WT1: variants seen among roughly 807,000 people sequenced by gnomAD.
WT1 encodes Wilms tumor protein.
WT1 carries 8 observed loss-of-function variants against 60.8 expected under a neutral mutation model. That is an observed-to-expected ratio of 0.13 (90% CI 0.08 to 0.24). The LOEUF (loss-of-function observed/expected upper bound fraction) is 0.24, where lower values mean the gene tolerates loss of function less well. WT1 is among the 10% of genes least tolerant of loss of function. WT1 has a pLI of 1.00. For synonymous variants in WT1, 312 were observed against 297.1 expected (o/e 1.05, Z -0.52); for missense variants, 568 against 711.8 (o/e 0.80, Z 2.30).
intron 3 of WT1, among the ~76,000 whole-genome samples, chr11:32,423,267 A>C (rs1852914093): frequency 6.6e-6 from 1 of 152,238 alleles, no homozygotes; most frequent in Admixed American, 6.5e-5. Context: ...GACAGGGAGA[A>C]AGGTCTCTGC....
intron 1 of WT1, chr11:32,430,808 G>A: frequency 2.3e-6 from 3 of 1,303,464 alleles, no homozygotes; most frequent in South Asian, 2.8e-5. Flanking sequence ...GGGCAGTGGT[G>A]AAAGCGCCTG....
chr11:32,432,744 AC>A (rs1298292919), intron 1 of WT1, among the ~76,000 whole-genome samples: 1 of 151,802 alleles, frequency 6.6e-6, no homozygotes, highest in Non-Finnish European at 1.5e-5. Flanking sequence ...CCACAGTCCC[AC>A]CCCCCACGAC....
intron 1 of WT1, among the ~76,000 whole-genome samples, chr11:32,431,515 C>A (rs1170515115): frequency 6.7e-6 from 1 of 150,318 alleles, no homozygotes; most frequent in East Asian, 2.0e-4. Context: ...CAGCTCACTT[C>A]AACCTCAGCC....
chr11:32,435,411 C>A lies in WT1; in HGVS notation c.-51G>T. ...CCGGGCGCCTGGGCTGCCGTCCCGG[C>A]TCTGGGTGGGTGGGTGGGTGAATGA... On this transcript the variant is annotated 5_prime_UTR_variant, in exon 1 of 10. Coordinates refer to ENST00000452863, the MANE Select transcript of WT1 (RefSeq NM_024426.6). The A allele has an allele frequency of 9.1e-6, 3 of 329,910 alleles. No homozygotes were observed. The South Asian group carries it at 1.5e-4, about 16-fold the overall frequency. 20.4% of individuals were successfully genotyped at this position (329,910 alleles called of 1,614,324 possible). A position where few individuals can be genotyped will look rare whatever the true frequency, so the allele number is the denominator to read the frequency against.
intron 3 of WT1, among the ~76,000 whole-genome samples, chr11:32,423,891 G>A (rs754756529): frequency 5.9e-5 from 9 of 152,156 alleles, no homozygotes; most frequent in Admixed American, 1.3e-4. Flanking sequence ...GGCCTGGTGC[G>A]GTGGCTCACG....
chr11:32,418,792 G>T (rs767865512), intron 3 of WT1, among the ~76,000 whole-genome samples: 15 of 152,156 alleles, frequency 9.9e-5, no homozygotes, highest in Non-Finnish European at 1.8e-4. Context: ...TGAATTCTGT[G>T]CTCTCTGTCC....
Position 32,424,767 on chromosome 11 carries a change from G to A in WT1, c.887+3189C>T, listed in dbSNP as rs111939433. ...AGGAGGGAATTGTGCAGGGGACAAGGGAAGAACTGGGATTTTGAGAATGTC... is the reference window on the plus strand; with the variant it reads ...AGGAGGGAATTGTGCAGGGGACAAGAGAAGAACTGGGATTTTGAGAATGTC... On this transcript the variant is annotated intron_variant, in intron 3 of 9. Coordinates refer to ENST00000452863, the MANE Select transcript of WT1 (RefSeq NM_024426.6). 5.8e-3 allele frequency among the ~76,000 whole-genome samples: 877 copies of A among 152,232 alleles called. 11 individuals carry two copies. The highest frequency in any genetic ancestry group is 8.6e-3 in the Non-Finnish European group (587 of 68,024).
chr11:32,418,105 G>A (rs557526975), intron 3 of WT1, among the ~76,000 whole-genome samples: 1 of 152,016 alleles, frequency 6.6e-6, no homozygotes, highest in African/African-American at 2.4e-5. Flanking sequence ...GATTATGAGG[G>A]TCTGAAAAGT....
intron 1 of WT1, chr11:32,430,574 C>G: frequency 6.2e-7 from 1 of 1,609,688 alleles, no homozygotes; most frequent in Non-Finnish European, 8.5e-7. Flanking sequence ...ACCCAGGGCA[C>G]TGCACAATCC....
intron 5 of WT1, among the ~76,000 whole-genome samples, chr11:32,408,880 G>A (rs1415570564): frequency 6.6e-6 from 1 of 152,168 alleles, no homozygotes; most frequent in Non-Finnish European, 1.5e-5. Context: ...TACTTACTGT[G>A]TACTCGTATG....
chr11:32,430,651 TCTCGAGACGTCCGTCCGCACCCCAGAA>T (rs1429807281), intron 1 of WT1: 1 of 1,492,026 alleles, frequency 6.7e-7, no homozygotes, highest in East Asian at 2.5e-5. Context: ...CGGCACCCAC[TCTCGAGACGTCCGTCCGCACCCCAGAA>T]CTCGGGCCCA....
At chr11:32,431,777 C>A (rs1215725444) in intron 1 of WT1, among the ~76,000 whole-genome samples, 1 of 152,078 alleles carries the variant, frequency 6.6e-6, no homozygotes. Context: ...CAAGTCCTCA[C>A]CCCACATCTG....
At chr11:32,398,928 G>A (rs936085356) in intron 6 of WT1, among the ~76,000 whole-genome samples, 2 of 151,504 alleles carry the variant, frequency 1.3e-5, no homozygotes, top group South Asian at 2.1e-4. Context: ...AGGCCGAGGC[G>A]AGTGGATCAC....
Position 32,428,603 on chromosome 11 carries a change from G to T in WT1, c.678C>A (p.Thr226=). Residue 226 remains threonine, a synonymous_variant, in exon 2 of 10, where the codon ACC becomes ACA. Transcript: ENST00000452863. ...GACCGTAGCTGGGCGTCCCGTCGAA[G>T]GTGACCGTGCTGTAACCTGCGGGAG... 3.7e-6 allele frequency: 6 copies of T among 1,613,710 alleles called. No homozygotes were observed. Among genetic ancestry groups the T allele is most frequent in the Non-Finnish European group, 5.1e-6 (6 of 1,180,016 alleles).
At chr11:32,416,669 G>T in intron 4 of WT1, 129 bp from the exon 5 acceptor site, 1 of 1,182,876 alleles carries the variant, frequency 8.5e-7, no homozygotes, top group Non-Finnish European at 1.2e-6. Flanking sequence ...CAAGAGTGCT[G>T]AACTAAGTCC....
chr11:32,419,537 A>C (rs1852785958), intron 3 of WT1, among the ~76,000 whole-genome samples: 1 of 152,222 alleles, frequency 6.6e-6, no homozygotes. Flanking sequence ...CATAATTTTC[A>C]AGAGAACTGG....
intron 8 of WT1, 22 bp from the exon 9 acceptor site, chr11:32,392,086 A>T (rs1851834922): frequency 6.2e-7 from 1 of 1,611,302 alleles, no homozygotes; most frequent in Non-Finnish European, 8.5e-7. Flanking sequence ...GAGAAGGTCT[A>T]GCCTCGGCCC....
intron 3 of WT1, among the ~76,000 whole-genome samples, chr11:32,424,160 C>CAA (rs10690035): frequency 0.027 from 2,448 of 92,124 alleles, 84 homozygotes; most frequent in South Asian, 0.073. Context: ...GATGCCATCT[C>CAA]AAAAAAAAAA....
chr11:32,407,205 C>T (rs902232677), intron 5 of WT1, among the ~76,000 whole-genome samples: 2 of 151,922 alleles, frequency 1.3e-5, no homozygotes, highest in South Asian at 2.1e-4. Flanking sequence ...GCCCTCTTCC[C>T]GCTAAAAACA....
Sources: gnomAD v4.1 joint callset for allele counts (sites outside exome capture counted in the v4.1 genomes callset) on GRCh38, gnomAD v4.1.1 for gene constraint, MANE v1.5 for transcripts, NCBI Gene and HGNC (gene_info 2026-07-23, HGNC 2026-07-21) for gene names.